The following TRAK1 variants were observed in gnomAD, a reference collection of about 807,000 sequenced individuals.
TRAK1 encodes trafficking kinesin protein 1, also known as trafficking kinesin-binding protein 1.
Under a neutral mutation model 92.1 loss-of-function variants are expected in TRAK1, and 33 were observed. The ratio of observed to expected loss-of-function variants is 0.36; its 90% confidence interval spans 0.27 to 0.48. The LOEUF is 0.48. Among genes scored for constraint, TRAK1 ranks in the 20% least tolerant of loss-of-function variants. The pLI is 0.99. For synonymous variants in TRAK1, 521 were observed against 517.3 expected (o/e 1.01, Z -0.10); for missense variants, 1,123 against 1,257.9 (o/e 0.89, Z 1.62).
upstream of TRAK1, among the ~76,000 whole-genome samples, chr3:42,082,598 AAAACAAAC>A (rs201028477): frequency 5.3e-5 from 8 of 151,998 alleles, no homozygotes; most frequent in Admixed American, 4.6e-4. Flanking sequence ...CCTGTCTCAA[AAAACAAAC>A]AAACAAACAA....
intron 1 of TRAK1, among the ~76,000 whole-genome samples, chr3:42,043,414 C>G (rs554836130): frequency 6.6e-6 from 1 of 152,044 alleles, no homozygotes; most frequent in South Asian, 2.1e-4. Context: ...TTTTCTCCTC[C>G]TAGTCCCCTC....
upstream of TRAK1, chr3:42,091,316 G>A: frequency 1.5e-6 from 1 of 674,354 alleles, no homozygotes; most frequent in Non-Finnish European, 2.5e-6. Context: ...GTGCTTCCAG[G>A]ACAGCTCACA....
upstream of TRAK1, among the ~76,000 whole-genome samples, chr3:42,086,307 C>CTTT (rs1354576530): frequency 4.2e-3 from 565 of 134,834 alleles, 4 homozygotes; most frequent in African/African-American, 0.019. Context: ...TCTTCTTTTT[C>CTTT]TTTCTTTTTT....
At chr3:42,060,625 C>CTTTTTTT (rs1299725245) in intron 1 of TRAK1, among the ~76,000 whole-genome samples, 1 of 123,300 alleles carries the variant, frequency 8.1e-6, no homozygotes, top group African/African-American at 3.2e-5. Context: ...TTTTTGGCTG[C>CTTTTTTT]TTTTTTTTTT....
At chr3:42,172,858 C>T (rs1702737595) in intron 2 of TRAK1, among the ~76,000 whole-genome samples, 1 of 152,190 alleles carries the variant, frequency 6.6e-6, no homozygotes, top group Non-Finnish European at 1.5e-5. Context: ...ATTAAATTAT[C>T]ATAGAGACTG....
At chr3:42,024,956 T>A (rs762223117) in intron 1 of TRAK1, among the ~76,000 whole-genome samples, 2 of 152,196 alleles carry the variant, frequency 1.3e-5, no homozygotes, top group Non-Finnish European at 2.9e-5. Context: ...GAGTCTCCTC[T>A]TGTCACTTTC....
intron 2 of TRAK1, chr3:42,149,350 T>C (rs1278250348): frequency 7.0e-7 from 1 of 1,434,778 alleles, no homozygotes. Flanking sequence ...CCATAGAATT[T>C]TTCTTTTCAT....
chr3:42,071,662 C>T (rs934171440), intron 1 of TRAK1, among the ~76,000 whole-genome samples: 10 of 151,108 alleles, frequency 6.6e-5, no homozygotes, highest in Non-Finnish European at 1.2e-4. Flanking sequence ...GAGCTGAGAT[C>T]GCACTATTGC....
At chr3:42,127,760 CTCATT>C (rs1710777460) in intron 2 of TRAK1, among the ~76,000 whole-genome samples, 2 of 152,298 alleles carry the variant, frequency 1.3e-5, no homozygotes, top group South Asian at 4.1e-4. Context: ...CACAAATTGC[CTCATT>C]TCATTCCTGT....
At chr3:42,021,742 A>G (rs931863896) in intron 1 of TRAK1, among the ~76,000 whole-genome samples, 1 of 151,926 alleles carries the variant, frequency 6.6e-6, no homozygotes, top group Non-Finnish European at 1.5e-5. Flanking sequence ...ACACCTGGCT[A>G]ATTTTTGTAT....
At chr3:42,212,392 T>C (rs1709161156) in intron 14 of TRAK1, 2 of 985,432 alleles carry the variant, frequency 2.0e-6, no homozygotes, top group Non-Finnish European at 2.4e-6. Context: ...GTGCAGCTGG[T>C]ATGATAGAAG....
At chr3:42,082,369 T>C (rs1450497781), upstream of TRAK1, among the ~76,000 whole-genome samples, 1 of 152,072 alleles carries the variant, frequency 6.6e-6, no homozygotes, top group Admixed American at 6.6e-5. Context: ...GAGGCTGAGG[T>C]GGGTGGATCA....
intron 3 of TRAK1, among the ~76,000 whole-genome samples, chr3:42,180,677 C>CAAAA (rs33959095): frequency 1.1e-5 from 1 of 87,120 alleles, no homozygotes; most frequent in Non-Finnish European, 2.2e-5. Flanking sequence ...AGACCTGTCT[C>CAAAA]AAAAAAAAAA....
Position 42,224,795 on chromosome 3 carries a change from G to C in TRAK1, c.*1058G>C, listed in dbSNP as rs2149558847. ...GGTTCCAGGGGGAAACAAGGCTTTG[G>C]TATTCCGCTGGCTCCAGCGCTTTTT... On this transcript the variant is annotated 3_prime_UTR_variant, in exon 16 of 16. Coordinates refer to ENST00000327628, the MANE Select transcript of TRAK1 (RefSeq NM_001042646.3). 6.6e-6 allele frequency: 1 copy of C among 152,392 alleles called. No homozygotes were observed. The highest frequency in any genetic ancestry group is 1.9e-4 in the East Asian group (1 of 5,188). 9.4% of individuals were successfully genotyped at this position (152,392 alleles called of 1,614,324 possible).
chr3:42,017,093 C>G (rs1701554614), intron 1 of TRAK1, among the ~76,000 whole-genome samples: 1 of 152,076 alleles, frequency 6.6e-6, no homozygotes, highest in South Asian at 2.1e-4. Context: ...AACCCCGTCT[C>G]TACTAAAACA....
chr3:42,214,711 G>C (rs2149524376), intron 14 of TRAK1, among the ~76,000 whole-genome samples: 1 of 152,332 alleles, frequency 6.6e-6, no homozygotes, highest in South Asian at 2.1e-4. Context: ...AAGATCTTGT[G>C]ATGTGTGGTT....
At chr3:42,072,304 TTTCAGGTGGTGCATC>T (rs1703966442) in intron 1 of TRAK1, among the ~76,000 whole-genome samples, 2 of 152,088 alleles carry the variant, frequency 1.3e-5, no homozygotes, top group Non-Finnish European at 2.9e-5. Context: ...TTTTTGGGTC[TTTCAGGTGGTGCATC>T]TTCACTGGAC....
intron 2 of TRAK1, among the ~76,000 whole-genome samples, chr3:42,148,433 A>G (rs1699585817): frequency 6.6e-6 from 1 of 152,220 alleles, no homozygotes; most frequent in Admixed American, 6.5e-5. Context: ...TTTTATTATG[A>G]ATATTTCAAA....
At chr3:42,180,096 G>A (rs371214303) in intron 3 of TRAK1, among the ~76,000 whole-genome samples, 26 of 151,820 alleles carry the variant, frequency 1.7e-4, no homozygotes, top group African/African-American at 6.3e-4. Flanking sequence ...GAAATGGGAG[G>A]TTTTTTTCAT....
Sources: gnomAD v4.1 joint callset for allele counts (sites outside exome capture counted in the v4.1 genomes callset) on GRCh38, gnomAD v4.1.1 for gene constraint, MANE v1.5 for transcripts, NCBI Gene and HGNC (gene_info 2026-07-23, HGNC 2026-07-21) for gene names.